The following IL33 variants were observed in gnomAD, a reference collection of about 807,000 sequenced individuals.
IL33 encodes interleukin 33.
In IL33, 37 loss-of-function variants were observed where a neutral mutation model predicts 27.3. That is an observed-to-expected ratio of 1.36 (90% confidence interval 1.04 to 1.78). The LOEUF is 1.78. Among genes scored for constraint, IL33 ranks in the 40% most tolerant of loss-of-function variants. The probability of loss-of-function intolerance (pLI) is 0.00; values close to 1 mark genes in which losing one functional copy is unlikely to be tolerated. For synonymous variants in IL33, 132 were observed against 102.9 expected (o/e 1.28, Z -1.71); for missense variants, 406 against 311.4 (o/e 1.30, Z -2.29).
intron 1 of IL33, among the ~76,000 whole-genome samples, 186 bp from the exon 2 acceptor site, chr9:6,241,498 A>G (rs887479860): frequency 6.6e-6 from 1 of 152,206 alleles, no homozygotes; most frequent in Non-Finnish European, 1.5e-5. Context: ...CCAAAGCCTC[A>G]TTATGCAGTG....
At chr9:6,240,195 G>C (rs1367853717) in intron 1 of IL33, among the ~76,000 whole-genome samples, 1 of 152,174 alleles carries the variant, frequency 6.6e-6, no homozygotes, top group African/African-American at 2.4e-5. Context: ...AAAGCCCTCA[G>C]GAGATCCTGA....
intron 1 of IL33, 25 bp from the exon 2 acceptor site, chr9:6,241,659 C>A (rs1819534624): frequency 1.4e-6 from 2 of 1,400,554 alleles, no homozygotes; most frequent in African/African-American, 1.5e-5. Context: ...GACAAATGAA[C>A]TAATATTATA....
chr9:6,237,605 A>T (rs1303101382), intron 1 of IL33, among the ~76,000 whole-genome samples: 2 of 152,230 alleles, frequency 1.3e-5, no homozygotes, highest in Non-Finnish European at 2.9e-5. Context: ...TGAAAACAAT[A>T]GTTAAACAAA....
chr9:6,256,278 A>G lies in IL33; in HGVS notation c.*110A>G. The G allele has an allele frequency of 1.3e-6, 1 of 741,208 alleles. No individual in the cohort carries two copies. The highest frequency in any genetic ancestry group is 2.3e-6 in the Non-Finnish European group (1 of 443,870). The allele number at this position is 741,208 out of a possible 1,614,324, so 45.9% of individuals were successfully genotyped here. The stretch of plus-strand genomic sequence containing the variant: ...CATCTAAGGGAAATGAAGAGTGCTT[A>G]GCATGTGTGGAATGTTTTCCATATT... On this transcript the variant is annotated 3_prime_UTR_variant, in exon 8 of 8. Coordinates refer to ENST00000682010, the MANE Select transcript of IL33 (RefSeq NM_033439.4).
intron 1 of IL33, among the ~76,000 whole-genome samples, chr9:6,222,720 T>C (rs1044322419): frequency 3.9e-5 from 6 of 152,198 alleles, no homozygotes; most frequent in African/African-American, 1.4e-4. Context: ...CTTGTTCTTT[T>C]AAAATATAAC....
intron 2 of IL33, among the ~76,000 whole-genome samples, chr9:6,245,231 A>G (rs1052460538): frequency 1.6e-4 from 25 of 152,206 alleles, no homozygotes; most frequent in African/African-American, 6.0e-4. Flanking sequence ...GGTGTTATTG[A>G]TATTTTCTAA....
chr9:6,239,596 C>T (rs1296282679), intron 1 of IL33, among the ~76,000 whole-genome samples: 3 of 151,854 alleles, frequency 2.0e-5, no homozygotes, highest in South Asian at 4.2e-4. Flanking sequence ...AACCCTTTTT[C>T]AGGGCCCCTC....
intron 2 of IL33, among the ~76,000 whole-genome samples, chr9:6,245,317 G>C (rs989164625): frequency 1.3e-5 from 2 of 152,158 alleles, no homozygotes; most frequent in African/African-American, 2.4e-5. Context: ...AAAATCCAAA[G>C]ATCTAGAAAC....
In IL33 at chr9:6,239,421, G is replaced by A. The variant is rs567859983; in HGVS notation, c.-11-2263G>A. On this transcript the variant is annotated intron_variant, in intron 1 of 7. Coordinates refer to ENST00000682010, the MANE Select transcript of IL33 (RefSeq NM_033439.4). ...AACAACATGAAGTAACTTAGGCTAC[G>A]AGCCCACATGCACACTGGAAGGACA... Among the ~76,000 whole-genome samples, 30 of 152,118 alleles carry A rather than the reference G, an allele frequency of 2.0e-4. No individual in the cohort carries two copies. The East Asian group carries it at 4.8e-3, about 25-fold the overall frequency.
rs1273873030 is a variant in IL33, at chr9:6,253,539, C to T, written c.470-13C>T. On this transcript the variant is annotated splice_polypyrimidine_tract_variant and intron_variant, in intron 5 of 7. Coordinates refer to ENST00000682010, the MANE Select transcript of IL33 (RefSeq NM_033439.4). ...TGTGTCTCACCAGAGGGATTTTATGCATTCTCTTTCAGATAAGGTGTTACT... is the reference window on the plus strand; with the variant it reads ...TGTGTCTCACCAGAGGGATTTTATGTATTCTCTTTCAGATAAGGTGTTACT... 2 of 1,589,736 alleles carry T rather than the reference C, an allele frequency of 1.3e-6. No individual in the cohort carries two copies. Among genetic ancestry groups the T allele is most frequent in the South Asian group, 2.3e-5 (2 of 87,862 alleles).
intron 1 of IL33, among the ~76,000 whole-genome samples, chr9:6,218,913 T>TGTTCTCC: frequency 1.9e-5 from 2 of 103,510 alleles, no homozygotes; most frequent in Non-Finnish European, 4.2e-5. Context: ...TATATATATA[T>TGTTCTCC]ATATATATAT....
Position 6,256,848 on chromosome 9 carries a change from A to G in IL33, c.*680A>G, listed in dbSNP as rs1816760408. ...CAGTATTTGTAAAGTGAATAACTTC[A>G]TTTCTAATTGTTTAATTTTTAAAAT... On this transcript the variant is annotated 3_prime_UTR_variant, in exon 8 of 8. Coordinates refer to ENST00000682010, the MANE Select transcript of IL33 (RefSeq NM_033439.4). 6.6e-6 allele frequency: 1 copy of G among 152,396 alleles called. No homozygotes were observed. The highest frequency in any genetic ancestry group is 2.4e-5 in the African/African-American group (1 of 41,458). 9.4% of individuals were successfully genotyped at this position (152,396 alleles called of 1,614,324 possible).
chr9:6,233,324 C>A (rs1185106807), intron 1 of IL33, among the ~76,000 whole-genome samples: 8 of 152,068 alleles, frequency 5.3e-5, no homozygotes, highest in African/African-American at 1.9e-4. Flanking sequence ...AGTTCACATC[C>A]CTAGACCTTA....
chr9:6,249,161 A>G (rs1473710850), intron 2 of IL33, among the ~76,000 whole-genome samples: 1 of 152,238 alleles, frequency 6.6e-6, no homozygotes, highest in Non-Finnish European at 1.5e-5. Context: ...TCCCCTTATT[A>G]AATCAGTTGA....
At chr9:6,215,461 G>A (rs1180314708), upstream of IL33, among the ~76,000 whole-genome samples, 4 of 152,186 alleles carry the variant, frequency 2.6e-5, no homozygotes, top group African/African-American at 9.7e-5. Flanking sequence ...TCTTAATGAA[G>A]TTTGTAAATT....
chr9:6,252,053 AAAC>A (rs796293319), intron 4 of IL33, among the ~76,000 whole-genome samples: 3 of 15,888 alleles, frequency 1.9e-4, no homozygotes, highest in Non-Finnish European at 5.0e-4. Context: ...ACAAACAAAC[AAAC>A]AAAAAAAAAC....
At chr9:6,237,360 G>A (rs143387549) in intron 1 of IL33, among the ~76,000 whole-genome samples, 1,796 of 152,254 alleles carry the variant, frequency 0.012, 17 homozygotes, top group Non-Finnish European at 0.015. Flanking sequence ...TTTCAGAATA[G>A]GATTTGAAAA....
intron 1 of IL33, among the ~76,000 whole-genome samples, chr9:6,235,913 T>C (rs189578978): frequency 2.0e-5 from 3 of 152,072 alleles, no homozygotes; most frequent in Admixed American, 6.6e-5. Flanking sequence ...ATAAGATACA[T>C]GTACCCTCTG....
intron 2 of IL33, among the ~76,000 whole-genome samples, chr9:6,248,207 G>A (rs1209964406): frequency 6.9e-6 from 1 of 145,758 alleles, no homozygotes; most frequent in Admixed American, 6.8e-5. Flanking sequence ...TTGTAACAGT[G>A]TTGAGAGGTC....
Sources: gnomAD v4.1 joint callset for allele counts (sites outside exome capture counted in the v4.1 genomes callset) on GRCh38, gnomAD v4.1.1 for gene constraint, MANE v1.5 for transcripts, NCBI Gene and HGNC (gene_info 2026-07-23, HGNC 2026-07-21) for gene names.